FREM1: variants seen among roughly 807,000 people sequenced by gnomAD.
FREM1 encodes the protein FRAS1 related extracellular matrix 1.
A neutral mutation model predicts 210.1 loss-of-function variants in FREM1; 220 were observed. The observed-to-expected ratio is 1.05, with a 90% CI of 0.94 to 1.17. The LOEUF (loss-of-function observed/expected upper bound fraction) is 1.17, where lower values mean the gene tolerates loss of function less well. Among genes scored for constraint, FREM1 ranks in the 50% most tolerant of loss-of-function variants. FREM1 has a pLI of 0.00. For synonymous variants in FREM1, 1,189 were observed against 980.2 expected, an observed-to-expected ratio of 1.21 and a Z score of -3.98; for missense variants, 3,454 against 2,675.5, an observed-to-expected ratio of 1.29 and a Z score of -6.42.
At chr9:14,886,867 A>G (rs1184307812) in intron 1 of FREM1, among the ~76,000 whole-genome samples, 1 of 149,458 alleles carries the variant, frequency 6.7e-6, no homozygotes, top group African/African-American at 2.5e-5. Context: ...TGAGTGACAA[A>G]GTGAAGTGAG....
chr9:14,882,369 G>A (rs1408278488), intron 1 of FREM1, among the ~76,000 whole-genome samples: 1 of 151,958 alleles, frequency 6.6e-6, no homozygotes, highest in South Asian at 2.1e-4. Flanking sequence ...CTATTCTTAT[G>A]GCTCCCTGCA....
chr9:14,803,665 G>A (rs1374797631), intron 19 of FREM1, among the ~76,000 whole-genome samples: 1 of 152,076 alleles, frequency 6.6e-6, no homozygotes, highest in Non-Finnish European at 1.5e-5. Context: ...CACCATGCCT[G>A]GCCTAAAGCA....
chr9:14,798,220 A>T (rs189423196), intron 20 of FREM1, among the ~76,000 whole-genome samples: 1 of 152,188 alleles, frequency 6.6e-6, no homozygotes, highest in South Asian at 2.1e-4. Flanking sequence ...TGTTTACTGA[A>T]ATATAAGTTT....
chr9:14,819,288 G>A lies in FREM1; in HGVS notation c.2492C>T (p.Pro831Leu). The A allele has an allele frequency of 6.2e-7, 1 of 1,613,862 alleles. No homozygotes were observed. The highest frequency in any genetic ancestry group is 8.5e-7 in the Non-Finnish European group (1 of 1,179,812). The change falls in exon 14 of 37, where the codon CCT becomes CTT. Residue 831 changes from proline to leucine, a missense_variant. Transcript: ENST00000380880. ...LHGRVELNGF[P>L]LNSGGTFSWG... ...AGAAAATGTGCCCCCTGAATTTAGA[G>A]GAAATCCATTCAGCTCCACCCTTCC...
chr9:14,770,520 C>T, intron 26 of FREM1, 85 bp downstream of exon 26: 1 of 971,420 alleles, frequency 1.0e-6, no homozygotes, highest in Non-Finnish European at 1.6e-6. Flanking sequence ...ACCAAATGGG[C>T]CTGCACTTAA....
intron 1 of FREM1, among the ~76,000 whole-genome samples, chr9:14,894,737 G>A (rs1564189321): frequency 6.6e-6 from 1 of 152,152 alleles, no homozygotes; most frequent in Non-Finnish European, 1.5e-5. Flanking sequence ...AGAATTTGGA[G>A]CATGTTTGTT....
intron 1 of FREM1, among the ~76,000 whole-genome samples, chr9:14,880,341 T>A (rs887477949): frequency 6.6e-6 from 1 of 152,160 alleles, no homozygotes; most frequent in African/African-American, 2.4e-5. Flanking sequence ...CAGTGGCTCA[T>A]GCCTGTAATC....
chr9:14,774,322 G>T (rs560966417), intron 25 of FREM1, among the ~76,000 whole-genome samples: 21 of 152,182 alleles, frequency 1.4e-4, no homozygotes, highest in Non-Finnish European at 2.5e-4. Context: ...CAACCAATCA[G>T]TTGTAGGCTT....
Position 14,740,142 on chromosome 9 carries a change from T to C in FREM1, c.6340+7A>G. 1 of 1,603,760 alleles carries C rather than the reference T, an allele frequency of 6.2e-7. No individual in the cohort carries two copies. The highest frequency in any genetic ancestry group is 1.1e-5 in the South Asian group (1 of 90,582). ...TCCTCAGTGCAGCCTCCCTCCCAGA[T>C]ACTTGCCTATCCAAAAGGACTTTCT... On this transcript the variant is annotated splice_region_variant and intron_variant, in intron 36 of 36. Transcript: ENST00000380880.
At chr9:14,863,962 T>C in intron 2 of FREM1, 59 bp from the exon 3 acceptor site, 1 of 1,106,228 alleles carries the variant, frequency 9.0e-7, no homozygotes. Context: ...AGATTTAACA[T>C]TTTGCCAGGA....
intron 1 of FREM1, among the ~76,000 whole-genome samples, chr9:14,874,920 C>T (rs1433909954): frequency 1.3e-5 from 2 of 152,162 alleles, no homozygotes; most frequent in Non-Finnish European, 2.9e-5. Context: ...TTCTCCTTCA[C>T]TTATGATGCT....
At position 14,857,540 on chromosome 9, in the gene FREM1, C is replaced by T. The variant is rs577312369; in HGVS notation, c.828+13G>A. 1.2e-5 allele frequency: 19 copies of T among 1,608,648 alleles called. No homozygotes were observed. The highest frequency in any genetic ancestry group is 4.0e-5 in the African/African-American group (3 of 74,734). Reference sequence around the variant, plus strand: ...GAATCCTGGGGGCACCCACACATAACCCCAAACTCTACCTTGTACACAATT... The same window carrying T: ...GAATCCTGGGGGCACCCACACATAATCCCAAACTCTACCTTGTACACAATT... On this transcript the variant is annotated intron_variant, in intron 5 of 36. Coordinates refer to ENST00000380880, the MANE Select transcript of FREM1 (RefSeq NM_001379081.2).
intron 16 of FREM1, among the ~76,000 whole-genome samples, chr9:14,812,119 C>T (rs1481187606): frequency 6.6e-6 from 1 of 152,116 alleles, no homozygotes; most frequent in East Asian, 1.9e-4. Flanking sequence ...CATTTAAGTT[C>T]AAAGTCTTTC....
chr9:14,849,781 GA>G (rs1421876950), intron 6 of FREM1, among the ~76,000 whole-genome samples: 1 of 152,118 alleles, frequency 6.6e-6, no homozygotes, highest in African/African-American at 2.4e-5. Flanking sequence ...ACTGTCTAAC[GA>G]AAAAAATCAC....
chr9:14,758,637 C>T (rs1844853743), intron 28 of FREM1, among the ~76,000 whole-genome samples: 1 of 150,920 alleles, frequency 6.6e-6, no homozygotes, highest in Admixed American at 6.6e-5. Flanking sequence ...TGGCCTTTTC[C>T]CCAGAAGCTA....
At chr9:14,768,326 T>G (rs1394402186) in intron 27 of FREM1, among the ~76,000 whole-genome samples, 7 of 151,816 alleles carry the variant, frequency 4.6e-5, no homozygotes, top group African/African-American at 1.7e-4. Context: ...AGGTTTTTTT[T>G]TTTTTTTTTT....
chr9:14,750,403 C>T, intron 29 of FREM1, 127 bp from the exon 30 acceptor site: 1 of 642,120 alleles, frequency 1.6e-6, no homozygotes. Flanking sequence ...TGTACTGCTA[C>T]CAACTCACTG....
chr9:14,752,339 T>C (rs1331795337), intron 29 of FREM1, among the ~76,000 whole-genome samples: 2 of 152,182 alleles, frequency 1.3e-5, no homozygotes, highest in Admixed American at 6.5e-5. Flanking sequence ...GACAGGAAGA[T>C]AGCAAAGCAG....
intron 28 of FREM1, among the ~76,000 whole-genome samples, chr9:14,759,324 A>G (rs1207542421): frequency 6.6e-6 from 1 of 152,082 alleles, no homozygotes; most frequent in Non-Finnish European, 1.5e-5. Flanking sequence ...AGCCTGGCCA[A>G]CATGGTGAAA....
Sources: gnomAD v4.1 joint callset for allele counts (sites outside exome capture counted in the v4.1 genomes callset) on GRCh38, gnomAD v4.1.1 for gene constraint, MANE v1.5 for transcripts, NCBI Gene and HGNC (gene_info 2026-07-23, HGNC 2026-07-21) for gene names.